The following MMP16 variants were observed in gnomAD, a reference collection of about 807,000 sequenced individuals.
MMP16 encodes matrix metallopeptidase 16.
A neutral mutation model predicts 67.8 loss-of-function variants in MMP16; 12 were observed. That is an observed-to-expected ratio of 0.18 (90% confidence interval 0.11 to 0.29). MMP16 has a LOEUF of 0.29. Among genes scored for constraint, MMP16 ranks in the 10% least tolerant of loss-of-function variants. The probability of loss-of-function intolerance (pLI) is 1.00; values close to 1 mark genes in which losing one functional copy is unlikely to be tolerated. For missense variants in MMP16, 475 were observed against 765.7 expected, an observed-to-expected ratio of 0.62 and a Z score of 4.48; for synonymous variants, 249 against 255.9, an observed-to-expected ratio of 0.97 and a Z score of 0.26.
intron 3 of MMP16, among the ~76,000 whole-genome samples, chr8:88,169,178 T>G (rs1808761729): frequency 6.6e-6 from 1 of 152,180 alleles, no homozygotes; most frequent in African/African-American, 2.4e-5. Context: ...CAAAATTATT[T>G]TGCCCTTTTA....
chr8:88,313,597 T>C (rs1811331902), intron 1 of MMP16, among the ~76,000 whole-genome samples: 3 of 152,364 alleles, frequency 2.0e-5, no homozygotes, highest in South Asian at 2.1e-4. Flanking sequence ...TGTGAGTTTA[T>C]GTATTTTCCA....
chr8:88,253,351 A>C (rs1243461301), intron 1 of MMP16, among the ~76,000 whole-genome samples: 1 of 152,144 alleles, frequency 6.6e-6, no homozygotes, highest in Non-Finnish European at 1.5e-5. Context: ...TAATACACAC[A>C]GATAGGAAAA....
chr8:88,326,962 A>G, intron 1 of MMP16, 113 bp downstream of exon 1: 1 of 1,414,104 alleles, frequency 7.1e-7, no homozygotes, highest in Admixed American at 1.8e-5. Context: ...TGGAAGGGAA[A>G]CAACGTGCTG....
At chr8:88,317,939 T>C (rs989954842) in intron 1 of MMP16, among the ~76,000 whole-genome samples, 3 of 152,158 alleles carry the variant, frequency 2.0e-5, no homozygotes, top group Admixed American at 6.6e-5. Flanking sequence ...CTGATCTATC[T>C]CTGAAAAATG....
intron 4 of MMP16, among the ~76,000 whole-genome samples, chr8:88,140,922 T>C (rs1808201374): frequency 6.6e-6 from 1 of 152,324 alleles, no homozygotes; most frequent in South Asian, 2.1e-4. Context: ...GGAGGTTCTA[T>C]GTGAAAAGTC....
intron 3 of MMP16, among the ~76,000 whole-genome samples, chr8:88,183,984 G>A (rs947443757): frequency 6.6e-6 from 1 of 151,910 alleles, no homozygotes; most frequent in African/African-American, 2.4e-5. Flanking sequence ...GAGCTCAAGT[G>A]ATCCGCCCAC....
chr8:88,169,891 G>T (rs974001711), intron 3 of MMP16, among the ~76,000 whole-genome samples: 1 of 152,070 alleles, frequency 6.6e-6, no homozygotes, highest in Non-Finnish European at 1.5e-5. Flanking sequence ...AAACTGGAGC[G>T]TCATGAACAG....
chr8:88,256,622 TTCCCTTC>T (rs965689632), intron 1 of MMP16, among the ~76,000 whole-genome samples: 2 of 151,704 alleles, frequency 1.3e-5, no homozygotes, highest in Non-Finnish European at 1.5e-5. Context: ...TCTTGCTATC[TTCCCTTC>T]TCCCTTCTCA....
intron 1 of MMP16, among the ~76,000 whole-genome samples, chr8:88,220,117 A>G (rs1201138847): frequency 2.0e-5 from 3 of 152,132 alleles, no homozygotes; most frequent in Non-Finnish European, 4.4e-5. Context: ...TTACTTCAGA[A>G]TCAGCTTTTA....
intron 1 of MMP16, among the ~76,000 whole-genome samples, chr8:88,250,778 T>A (rs559620585): frequency 5.9e-5 from 9 of 151,372 alleles, no homozygotes; most frequent in East Asian, 1.9e-4. Flanking sequence ...TTTTTTTTTT[T>A]AATTTTTTTT....
At chr8:88,072,882 G>T (rs1237763820) in intron 7 of MMP16, among the ~76,000 whole-genome samples, 7 of 152,162 alleles carry the variant, frequency 4.6e-5, no homozygotes, top group African/African-American at 1.7e-4. Flanking sequence ...GGCCACTGGA[G>T]GACATGCCTT....
At chr8:88,264,068 AGTGTGTGTGTGT>A (rs71277993) in intron 1 of MMP16, among the ~76,000 whole-genome samples, 4 of 141,278 alleles carry the variant, frequency 2.8e-5, no homozygotes, top group Admixed American at 7.1e-5. Context: ...GGAGAGAGAG[AGTGTGTGTGTGT>A]GTGTGTGTGT....
chr8:88,292,156 C>A (rs1239623764), intron 1 of MMP16, among the ~76,000 whole-genome samples: 1 of 152,144 alleles, frequency 6.6e-6, no homozygotes, highest in Non-Finnish European at 1.5e-5. Context: ...AGAAGAATTA[C>A]CTGCTTTGCT....
intron 6 of MMP16, among the ~76,000 whole-genome samples, chr8:88,078,869 A>C (rs2118299888): frequency 6.6e-6 from 1 of 152,262 alleles, no homozygotes; most frequent in South Asian, 2.1e-4. Context: ...TCCTCTGCCA[A>C]GCCACCTTGG....
chr8:88,068,182 C>A (rs1352219921), intron 7 of MMP16, among the ~76,000 whole-genome samples: 1 of 152,092 alleles, frequency 6.6e-6, no homozygotes, highest in Non-Finnish European at 1.5e-5. Flanking sequence ...AGCATCTTTT[C>A]ATGAGCTCAT....
chr8:88,129,428 A>G lies in MMP16; in HGVS notation c.710-10567T>C, dbSNP rs536540220. ...GTACAGAGATTAAAAACTTATAAACAAATTTGTTTTTATAAAACATTAATA... is the reference window on the plus strand; with the variant it reads ...GTACAGAGATTAAAAACTTATAAACGAATTTGTTTTTATAAAACATTAATA... On this transcript the variant is annotated intron_variant, in intron 4 of 9. Transcript: ENST00000286614. Among the ~76,000 whole-genome samples the G allele has an allele frequency of 2.1e-4, 32 of 151,828 alleles. 1 individual carries two copies. The highest frequency in any genetic ancestry group is 2.1e-3 in the Admixed American group (32 of 15,190).
intron 8 of MMP16, among the ~76,000 whole-genome samples, chr8:88,053,686 G>A (rs971581903): frequency 7.2e-5 from 11 of 152,144 alleles, no homozygotes; most frequent in African/African-American, 1.2e-4. Context: ...TGTCTTTTCC[G>A]TCTAAGTTTT....
At chr8:88,287,175 C>G (rs1292760918) in intron 1 of MMP16, among the ~76,000 whole-genome samples, 1 of 152,180 alleles carries the variant, frequency 6.6e-6, no homozygotes, top group Non-Finnish European at 1.5e-5. Context: ...GTTCTGCGTG[C>G]TCTGATGCCC....
chr8:88,309,898 A>G (rs1250298700), intron 1 of MMP16, among the ~76,000 whole-genome samples: 1 of 152,126 alleles, frequency 6.6e-6, no homozygotes, highest in African/African-American at 2.4e-5. Context: ...CTTAAAAGAA[A>G]TTCAAATTAT....
Sources: gnomAD v4.1 joint callset for allele counts (sites outside exome capture counted in the v4.1 genomes callset) on GRCh38, gnomAD v4.1.1 for gene constraint, MANE v1.5 for transcripts, NCBI Gene and HGNC (gene_info 2026-07-23, HGNC 2026-07-21) for gene names.